SYNE1: variants seen among roughly 807,000 people sequenced by gnomAD.
SYNE1 encodes spectrin repeat containing nuclear envelope protein 1.
A neutral mutation model predicts 1,111.0 loss-of-function variants in SYNE1; 616 were observed. The observed-to-expected ratio is 0.55, with a 90% confidence interval of 0.52 to 0.59. The LOEUF is 0.59. SYNE1 is among the 20% of genes least tolerant of loss of function. SYNE1 has a pLI of 0.00. For missense variants in SYNE1, 10,006 were observed against 10,417.0 expected (o/e 0.96, Z 1.72); for synonymous variants, 3,855 against 3,825.8 (o/e 1.01, Z -0.28).
chr6:152,132,314 A>G, intron 143 of SYNE1, 100 bp from the exon 144 acceptor site: 1 of 994,046 alleles, frequency 1.0e-6, no homozygotes, highest in Non-Finnish European at 1.6e-6. Context: ...ATCCACCCCC[A>G]TGTCTCCACC....
chr6:152,303,068 C>T (rs2095253136), intron 91 of SYNE1, among the ~76,000 whole-genome samples: 2 of 148,166 alleles, frequency 1.3e-5, no homozygotes, highest in South Asian at 4.3e-4. Context: ...TATTTCAAAA[C>T]ATGATTCCTA....
At chr6:152,603,599 G>A (rs570490856) in intron 3 of SYNE1, among the ~76,000 whole-genome samples, 30 of 151,918 alleles carry the variant, frequency 2.0e-4, no homozygotes, top group South Asian at 8.3e-4. Flanking sequence ...TGAAGAAAAT[G>A]GTTGGAGACT....
intron 4 of SYNE1, among the ~76,000 whole-genome samples, chr6:152,537,746 A>G (rs1185167975): frequency 2.0e-5 from 3 of 152,110 alleles, no homozygotes; most frequent in Non-Finnish European, 2.9e-5. Context: ...TCTTTTCCTA[A>G]TTGAATACCC....
chr6:152,318,695 G>A (rs1382047190), intron 85 of SYNE1, among the ~76,000 whole-genome samples, 168 bp downstream of exon 85: 1 of 152,212 alleles, frequency 6.6e-6, no homozygotes, highest in Non-Finnish European at 1.5e-5. Context: ...GATCAATTAT[G>A]TAAGAGGATC....
chr6:152,514,536 T>C (rs1304769732), intron 6 of SYNE1, among the ~76,000 whole-genome samples: 1 of 151,946 alleles, frequency 6.6e-6, no homozygotes, highest in East Asian at 1.9e-4. Context: ...GATGATGGGT[T>C]GGTGGGTGCA....
intron 22 of SYNE1, among the ~76,000 whole-genome samples, 175 bp downstream of exon 22, chr6:152,458,582 C>G (rs577505520): frequency 1.3e-5 from 2 of 152,312 alleles, no homozygotes; most frequent in South Asian, 4.1e-4. Flanking sequence ...AGCCCCTGCA[C>G]TGACAGTGAA....
Position 152,628,044 on chromosome 6 carries a change from C to CAAAAAAAAAAAAAAAAAAAAAAAAAAAA in SYNE1, c.67+220_67+221insTTTTTTTTTTTTTTTTTTTTTTTTTTTT, listed in dbSNP as rs66815986. On this transcript the variant is annotated intron_variant, in intron 3 of 145. Coordinates refer to ENST00000367255, the MANE Select transcript of SYNE1 (RefSeq NM_182961.4). Reference sequence around the variant, plus strand: ...ACATGCTAATGCAGACACAAAATTACAAAAAAAAAAAAAAAAGCTGTATTT... The same window carrying CAAAAAAAAAAAAAAAAAAAAAAAAAAAA: ...ACATGCTAATGCAGACACAAAATTACAAAAAAAAAAAAAAAAAAAAAAAAAAAAAAAAAAAAAAAAAAAAGCTGTATTT... Among the ~76,000 whole-genome samples the CAAAAAAAAAAAAAAAAAAAAAAAAAAAA allele has an allele frequency of 1.9e-5, 2 of 103,348 alleles. 1 individual carries two copies. The highest frequency in any genetic ancestry group is 3.7e-5 in the Non-Finnish European group (2 of 53,774). 67.8% of individuals were successfully genotyped at this position (103,348 alleles called of 152,430 possible).
At chr6:152,126,721 A>G (rs759915194) in intron 145 of SYNE1, 2 of 152,192 alleles carry the variant, frequency 1.3e-5, no homozygotes, top group African/African-American at 2.4e-5. Flanking sequence ...CAATTGCGGG[A>G]TAAGGAGAAT....
intron 53 of SYNE1, among the ~76,000 whole-genome samples, chr6:152,389,978 T>C (rs1426576315): frequency 6.6e-6 from 1 of 152,248 alleles, no homozygotes; most frequent in African/African-American, 2.4e-5. Context: ...AAGAACCATA[T>C]ATTCTTGCTT....
At chr6:152,453,815 G>A (rs1405648863) in intron 24 of SYNE1, 95 bp from the exon 25 acceptor site, 2 of 1,497,628 alleles carry the variant, frequency 1.3e-6, no homozygotes, top group Admixed American at 3.3e-5. Flanking sequence ...AAGCCTCTCA[G>A]CCAGCTGCTG....
At position 152,526,164 on chromosome 6, in the gene SYNE1, T is replaced by C. The variant is rs551171550; in HGVS notation, c.141A>G (p.Pro47=). ...CTTCAAAAAGATCGTCCACCACCAT[T>C]GGAGGTTTCCGCTGTAAAAGCAAAG... The part of the protein sequence containing the change: ...INSHLAKRKP[P]MVVDDLFEDM... Residue 47 remains proline (P), a synonymous_variant, in exon 5 of 146, where the codon CCA becomes CCG. Coordinates refer to ENST00000367255, the MANE Select transcript of SYNE1 (RefSeq NM_182961.4). 1.3e-5 allele frequency: 21 copies of C among 1,614,088 alleles called. No homozygotes were observed. Among genetic ancestry groups the C allele is most frequent in the South Asian group, 9.9e-5 (9 of 91,090 alleles).
intron 114 of SYNE1, 126 bp downstream of exon 114, chr6:152,231,265 C>T (rs145963936): frequency 3.2e-6 from 3 of 928,738 alleles, no homozygotes; most frequent in East Asian, 2.5e-5. Flanking sequence ...TAACCTTCAG[C>T]GGTATTATTG....
intron 104 of SYNE1, among the ~76,000 whole-genome samples, chr6:152,251,572 A>C (rs2089270078): frequency 1.3e-5 from 2 of 151,322 alleles, no homozygotes; most frequent in East Asian, 4.0e-4. Flanking sequence ...TCCCGGCTAA[A>C]ACGGTGAAAC....
Position 152,180,197 on chromosome 6 carries a change from T to C in SYNE1, c.23399A>G (p.Glu7800Gly). The change falls in exon 129 of 146, where the codon GAA (glutamate) becomes GGA (glycine). Residue 7800 changes from glutamate (E) to glycine (G), a missense_variant. By Grantham distance (98) the Glu-to-Gly change is moderately conservative. This residue lies in a region of SYNE1 where 2,182 missense variants were observed against 2,287.8 expected (regional missense o/e 0.95). Coordinates refer to ENST00000367255, the MANE Select transcript of SYNE1 (RefSeq NM_182961.4). Reference protein sequence around the residue: ...KELCEWLTQMESKVSQNGDIL... With the variant: ...KELCEWLTQMGSKVSQNGDIL... ...GTCTCCATTCTGAGAAACTTTGCTTTCCATTTGAGTCAACCACTCACAGAG... is the reference window on the plus strand; with the variant it reads ...GTCTCCATTCTGAGAAACTTTGCTTCCCATTTGAGTCAACCACTCACAGAG... The C allele has an allele frequency of 6.2e-7, 1 of 1,614,146 alleles. No individual in the cohort carries two copies. The highest frequency in any genetic ancestry group is 1.3e-5 in the African/African-American group (1 of 75,056).
In SYNE1 at chr6:152,373,217, C is replaced by T; in HGVS notation, c.9327G>A (p.Glu3109=). 1 of 1,610,038 alleles carries T rather than the reference C, an allele frequency of 6.2e-7. No individual in the cohort carries two copies. Among genetic ancestry groups the T allele is most frequent in the Non-Finnish European group, 8.5e-7 (1 of 1,179,310 alleles). ...GTCCATTTTCACTTTCTGACAAAAA[C>T]TCCTATAAAAGAAAATATAGAATTA... ...EVSTSLQKIQ[E]FLSESENGQH... is the part of the protein sequence containing the mutation. Residue 3109 remains glutamate, a splice_region_variant and synonymous_variant, in exon 59 of 146, where the codon GAG becomes GAA. Transcript: ENST00000367255.
At chr6:152,471,196 G>A (rs1469680128) in intron 16 of SYNE1, among the ~76,000 whole-genome samples, 1 of 152,144 alleles carries the variant, frequency 6.6e-6, no homozygotes, top group Non-Finnish European at 1.5e-5. Context: ...GGACACTTGA[G>A]AATGGTTCTA....
At chr6:152,324,665 G>A (rs1307667819) in intron 81 of SYNE1, among the ~76,000 whole-genome samples, 2 of 152,080 alleles carry the variant, frequency 1.3e-5, no homozygotes, top group Admixed American at 6.6e-5. Flanking sequence ...GTGGTGGCGG[G>A]CGCCTGTAGT....
intron 131 of SYNE1, among the ~76,000 whole-genome samples, chr6:152,158,511 A>G (rs2061801864): frequency 6.6e-6 from 1 of 152,160 alleles, no homozygotes; most frequent in South Asian, 2.1e-4. Context: ...GATTTTATAA[A>G]CTAGACACTA....
rs569421654 is a variant in SYNE1, at chr6:152,526,192, G to A, written c.130-17C>T. 6.7e-5 allele frequency: 108 copies of A among 1,609,108 alleles called. No homozygotes were observed. The highest frequency in any genetic ancestry group is 8.3e-5 in the Admixed American group (5 of 59,948). ...AGGTTTCCGCTGTAAAAGCAAAGAGGAATAAGTGCAGAAAATATCTCTTCC... is the reference window on the plus strand; with the variant it reads ...AGGTTTCCGCTGTAAAAGCAAAGAGAAATAAGTGCAGAAAATATCTCTTCC... On this transcript the variant is annotated splice_polypyrimidine_tract_variant and intron_variant, in intron 4 of 145. Transcript: ENST00000367255.
Sources: gnomAD v4.1 joint callset for allele counts (sites outside exome capture counted in the v4.1 genomes callset) on GRCh38, gnomAD v4.1.1 for gene constraint, gnomAD v4.1.1 regional missense constraint, MANE v1.5 for transcripts, NCBI Gene and HGNC (gene_info 2026-07-23, HGNC 2026-07-21) for gene names.